IPO11: variants seen among roughly 807,000 people sequenced by gnomAD.
IPO11 encodes importin 11.
Under a neutral mutation model 143.2 loss-of-function variants are expected in IPO11, and 66 were observed. That is an observed-to-expected ratio of 0.46 (90% CI 0.38 to 0.57). The LOEUF (loss-of-function observed/expected upper bound fraction) is 0.57, where lower values mean the gene tolerates loss of function less well. IPO11 is among the 20% of genes least tolerant of loss of function. The pLI, the probability that IPO11 is intolerant of heterozygous loss-of-function variation, is 0.00. For missense variants in IPO11, 1,026 were observed against 1,141.0 expected (o/e 0.90, Z 1.45); for synonymous variants, 385 against 377.8 (o/e 1.02, Z -0.22).
chr5:62,418,832 C>G (rs188659088), intron 1 of IPO11: 128 of 599,340 alleles, frequency 2.1e-4, no homozygotes, highest in Admixed American at 7.8e-4. Context: ...TGCAGACAAC[C>G]TAGTCCTTTG....
rs780615838 is a variant in IPO11 at position 62,506,232 on chromosome 5, T to C, written c.1666-9T>C. 3.4e-6 allele frequency: 5 copies of C among 1,483,054 alleles called. No individual in the cohort carries two copies. The South Asian group carries it at 4.6e-5, about 14-fold the overall frequency. The allele number at this position is 1,483,054 out of a possible 1,614,324, so 91.9% of individuals were successfully genotyped here. A position where few individuals can be genotyped will look rare whatever the true frequency, so the allele number is the denominator to read the frequency against. On this transcript the variant is annotated splice_polypyrimidine_tract_variant and intron_variant, in intron 18 of 29. Coordinates refer to ENST00000325324, the MANE Select transcript of IPO11 (RefSeq NM_016338.5). ...AAACCTTTTTTATTTTCTTTCTTTT[T>C]ACCTGCAGTATTTGGAAACCATGTT...
At chr5:62,526,039 T>C in intron 20 of IPO11, 103 bp from the exon 21 acceptor site, 1 of 702,368 alleles carries the variant, frequency 1.4e-6, no homozygotes, top group South Asian at 1.7e-5. Flanking sequence ...ATATGATTCA[T>C]TTTTTTAATT....
chr5:62,574,919 G>A (rs1744259685), intron 27 of IPO11, among the ~76,000 whole-genome samples: 1 of 152,140 alleles, frequency 6.6e-6, no homozygotes, highest in Non-Finnish European at 1.5e-5. Context: ...AGGCATAGTT[G>A]AAATTTTATG....
chr5:62,464,073 C>T (rs992106020), intron 5 of IPO11, among the ~76,000 whole-genome samples: 14 of 151,388 alleles, frequency 9.2e-5, no homozygotes, highest in Non-Finnish European at 2.1e-4. Flanking sequence ...ATCCACCTGC[C>T]TCGGTCCCCC....
At chr5:62,580,094 T>C (rs1744490469) in intron 27 of IPO11, 2 of 1,551,060 alleles carry the variant, frequency 1.3e-6, no homozygotes, top group Non-Finnish European at 1.7e-6. Flanking sequence ...TTAACAAAAG[T>C]ACCATCAAAT....
chr5:62,535,286 A>G (rs970492984), intron 22 of IPO11, among the ~76,000 whole-genome samples: 1 of 152,012 alleles, frequency 6.6e-6, no homozygotes, highest in Non-Finnish European at 1.5e-5. Flanking sequence ...TCAAAATTAT[A>G]TTCCCTGATA....
intron 20 of IPO11, among the ~76,000 whole-genome samples, chr5:62,525,368 T>TGTG (rs1424156425): frequency 6.7e-6 from 1 of 149,232 alleles, no homozygotes; most frequent in African/African-American, 2.5e-5. Flanking sequence ...TTTTTTTTTT[T>TGTG]TGTGTGTGTG....
intron 26 of IPO11, among the ~76,000 whole-genome samples, chr5:62,558,149 A>G (rs992829065): frequency 6.6e-6 from 1 of 152,216 alleles, no homozygotes; most frequent in Non-Finnish European, 1.5e-5. Context: ...AAATCCTGCA[A>G]ATTAGCAAAC....
intron 1 of IPO11, chr5:62,419,083 C>G: frequency 6.4e-7 from 1 of 1,550,984 alleles, no homozygotes; most frequent in Non-Finnish European, 8.7e-7. Context: ...TAAGCCTGTA[C>G]AGCATGTTAC....
chr5:62,569,724 A>G (rs966727144), intron 27 of IPO11, among the ~76,000 whole-genome samples: 3 of 152,212 alleles, frequency 2.0e-5, no homozygotes, highest in African/African-American at 4.8e-5. Context: ...TGCGAGGAAA[A>G]TAGAGACATG....
intron 27 of IPO11, chr5:62,580,495 C>T: frequency 6.4e-7 from 1 of 1,551,444 alleles, no homozygotes; most frequent in Non-Finnish European, 8.7e-7. Flanking sequence ...TTCATTGATT[C>T]ATCTTCAGGC....
chr5:62,614,166 T>C (rs966122910), intron 29 of IPO11, among the ~76,000 whole-genome samples: 5 of 152,250 alleles, frequency 3.3e-5, no homozygotes, highest in Non-Finnish European at 7.3e-5. Flanking sequence ...AAGCTTTTGG[T>C]ATAGAAACTA....
intron 28 of IPO11, among the ~76,000 whole-genome samples, chr5:62,600,861 A>G (rs1745481497): frequency 6.6e-6 from 1 of 152,196 alleles, no homozygotes; most frequent in Non-Finnish European, 1.5e-5. Context: ...TTGCTTTTTT[A>G]ATGGTAGGAA....
intron 4 of IPO11, among the ~76,000 whole-genome samples, chr5:62,451,447 G>A (rs532376363): frequency 6.6e-6 from 1 of 152,114 alleles, no homozygotes; most frequent in Non-Finnish European, 1.5e-5. Flanking sequence ...TTTCATATCT[G>A]CTTCTTCATT....
At chr5:62,495,514 G>C (rs1020923046) in intron 16 of IPO11, among the ~76,000 whole-genome samples, 3 of 151,442 alleles carry the variant, frequency 2.0e-5, no homozygotes, top group Non-Finnish European at 4.4e-5. Flanking sequence ...TCTCTTTTTT[G>C]CCTCGGTTGC....
At chr5:62,486,673 A>G (rs1746417539) in intron 12 of IPO11, among the ~76,000 whole-genome samples, 1 of 152,212 alleles carries the variant, frequency 6.6e-6, no homozygotes, top group Non-Finnish European at 1.5e-5. Flanking sequence ...ATTCATAAAC[A>G]TACAGTTGTT....
intron 7 of IPO11, among the ~76,000 whole-genome samples, chr5:62,470,899 G>GTC (rs1177256974): frequency 3.8e-5 from 5 of 132,272 alleles, no homozygotes; most frequent in Non-Finnish European, 7.6e-5. Context: ...GCAGTCTTGG[G>GTC]TCTCTGCAAC....
At chr5:62,557,683 A>G (rs577593950) in intron 26 of IPO11, among the ~76,000 whole-genome samples, 3 of 152,166 alleles carry the variant, frequency 2.0e-5, no homozygotes, top group African/African-American at 4.8e-5. Flanking sequence ...TATTGTTTTT[A>G]TATCCACACT....
At chr5:62,441,345 T>C (rs1328401280) in intron 2 of IPO11, among the ~76,000 whole-genome samples, 7 of 150,964 alleles carry the variant, frequency 4.6e-5, no homozygotes, top group Admixed American at 4.0e-4. Context: ...ATTACAGGCA[T>C]GCGCAACCAT....
Sources: allele counts gnomAD v4.1 joint callset (sites outside exome capture counted in the v4.1 genomes callset), GRCh38; gene constraint gnomAD v4.1.1; transcripts MANE v1.5; gene names NCBI Gene and HGNC (gene_info 2026-07-23, HGNC 2026-07-21).